The following OSBP2 variants were observed in gnomAD, a reference collection of about 807,000 sequenced individuals.
The protein encoded by OSBP2 is oxysterol binding protein 2.
Under a neutral mutation model 96.0 loss-of-function variants are expected in OSBP2, and 66 were observed. The ratio of observed to expected loss-of-function variants is 0.69; its 90% confidence interval spans 0.56 to 0.84. The LOEUF (loss-of-function observed/expected upper bound fraction) is 0.84, where lower values mean the gene tolerates loss of function less well. Among genes scored for constraint, OSBP2 ranks in the 40% least tolerant of loss-of-function variants. The pLI, the probability that OSBP2 is intolerant of heterozygous loss-of-function variation, is 0.00. For synonymous variants in OSBP2, 525 were observed against 520.9 expected, an observed-to-expected ratio of 1.01 and a Z score of -0.11; for missense variants, 1,038 against 1,222.7, an observed-to-expected ratio of 0.85 and a Z score of 2.25.
At chr22:30,790,848 C>T (rs1477277182) in intron 2 of OSBP2, among the ~76,000 whole-genome samples, 4 of 152,138 alleles carry the variant, frequency 2.6e-5, no homozygotes, top group South Asian at 2.1e-4. Context: ...CATCGAATCA[C>T]GTGGTTGCCC....
intron 2 of OSBP2, among the ~76,000 whole-genome samples, chr22:30,808,461 C>G (rs1341991983): frequency 1.3e-5 from 2 of 152,118 alleles, no homozygotes. Context: ...AAGCCATGAT[C>G]ACCCCACTGC....
intron 2 of OSBP2, among the ~76,000 whole-genome samples, chr22:30,765,014 A>G (rs140691155): frequency 0.013 from 1,993 of 152,204 alleles, 22 homozygotes; most frequent in Middle Eastern, 0.044. Context: ...CGATGGTCAT[A>G]TGGCACCTAG....
At chr22:30,743,331 G>A (rs926340) in intron 2 of OSBP2, among the ~76,000 whole-genome samples, 84,253 of 152,028 alleles carry the variant, frequency 0.55, 23,881 homozygotes, top group Non-Finnish European at 0.62. Context: ...AACCAGTCTG[G>A]CTTTCTCTTT....
At chr22:30,770,097 AT>A (rs136328) in intron 2 of OSBP2, among the ~76,000 whole-genome samples, 41,524 of 117,700 alleles carry the variant, frequency 0.35, 6,046 homozygotes, top group African/African-American at 0.4. Context: ...TTCCCCCATG[AT>A]TTTTTTTTTT....
In OSBP2 at chr22:30,906,340, G is replaced by A; in HGVS notation, c.*1G>A. 1 of 1,600,228 alleles carries A rather than the reference G, an allele frequency of 6.2e-7. No individual in the cohort carries two copies. Among genetic ancestry groups the A allele is most frequent in the Non-Finnish European group, 8.5e-7 (1 of 1,172,126 alleles). ...GCATATGTGCCCCAACATCTTCTGA[G>A]CGCCACCCTTGCAACAAATACAGGC... On this transcript the variant is annotated 3_prime_UTR_variant, in exon 14 of 14. Transcript: ENST00000332585.
At chr22:30,895,544 C>G (rs74429945) in intron 12 of OSBP2, among the ~76,000 whole-genome samples, 83,575 of 151,962 alleles carry the variant, frequency 0.55, 23,368 homozygotes, top group East Asian at 0.75. Context: ...TTAGAAAATT[C>G]TACTTTCTAA....
chr22:30,746,161 G>A (rs1361405248), intron 2 of OSBP2, among the ~76,000 whole-genome samples: 1 of 152,138 alleles, frequency 6.6e-6, no homozygotes, highest in Non-Finnish European at 1.5e-5. Context: ...GGTCACGTCT[G>A]TAATTCCAGC....
At chr22:30,757,605 A>G (rs952363532) in intron 2 of OSBP2, among the ~76,000 whole-genome samples, 1 of 151,874 alleles carries the variant, frequency 6.6e-6, no homozygotes, top group Non-Finnish European at 1.5e-5. Context: ...TTCGGTAGAG[A>G]CAGGGTTCCA....
chr22:30,721,667 A>C (rs1001781182), intron 1 of OSBP2, among the ~76,000 whole-genome samples: 6 of 152,182 alleles, frequency 3.9e-5, no homozygotes, highest in African/African-American at 1.4e-4. Context: ...CAGTGTCTAT[A>C]ATACTGGAGG....
chr22:30,813,002 C>T (rs1309943652), intron 2 of OSBP2, among the ~76,000 whole-genome samples: 1 of 151,860 alleles, frequency 6.6e-6, no homozygotes. Flanking sequence ...GTTATTTCTC[C>T]TTTGTTGGTT....
chr22:30,739,579 A>G (rs1485769848), intron 1 of OSBP2, among the ~76,000 whole-genome samples: 1 of 150,484 alleles, frequency 6.6e-6, no homozygotes, highest in East Asian at 2.0e-4. Flanking sequence ...GGTTCAAGTG[A>G]TTCTCCTGCC....
At chr22:30,822,265 A>G (rs531690590) in intron 2 of OSBP2, among the ~76,000 whole-genome samples, 3 of 152,374 alleles carry the variant, frequency 2.0e-5, no homozygotes, top group Non-Finnish European at 4.4e-5. Context: ...TGCAGGGGAC[A>G]GCACTTTCGC....
chr22:30,903,176 C>T (rs1299347554), intron 12 of OSBP2, among the ~76,000 whole-genome samples: 7 of 152,104 alleles, frequency 4.6e-5, no homozygotes, highest in East Asian at 1.9e-4. Context: ...GACATTGGCC[C>T]GACTCCAGGT....
chr22:30,748,134 C>T (rs1382630886), intron 2 of OSBP2, among the ~76,000 whole-genome samples: 5 of 151,710 alleles, frequency 3.3e-5, no homozygotes, highest in Non-Finnish European at 7.4e-5. Context: ...ACCCCTGCCT[C>T]CCAAAGTGCT....
chr22:30,727,895 A>G (rs2089677828), intron 1 of OSBP2, among the ~76,000 whole-genome samples: 1 of 151,752 alleles, frequency 6.6e-6, no homozygotes, highest in Non-Finnish European at 1.5e-5. Context: ...TCACAAGGTC[A>G]AGAGATCAAG....
chr22:30,890,717 T>A lies in OSBP2; in HGVS notation c.1624-11T>A. On this transcript the variant is annotated splice_polypyrimidine_tract_variant and intron_variant, in intron 7 of 13. Transcript: ENST00000332585. The surrounding 1 kb of genome is among the most constrained non-coding windows in gnomAD (Gnocchi z 4.4). ...GGTGCCCAGCCTGACCACCCACCTGTCCACCCACAGGTGAACTTCAATGAG... is the reference window on the plus strand; with the variant it reads ...GGTGCCCAGCCTGACCACCCACCTGACCACCCACAGGTGAACTTCAATGAG... 1 of 1,610,580 alleles carries A rather than the reference T, an allele frequency of 6.2e-7. No homozygotes were observed. The highest frequency in any genetic ancestry group is 8.5e-7 in the Non-Finnish European group (1 of 1,179,480).
intron 2 of OSBP2, among the ~76,000 whole-genome samples, chr22:30,798,801 T>C (rs2090802974): frequency 1.3e-5 from 2 of 151,962 alleles, no homozygotes. Flanking sequence ...TCACCTGAGG[T>C]CAGGAGTTCA....
chr22:30,755,451 A>T (rs1162606815), intron 2 of OSBP2, among the ~76,000 whole-genome samples: 3 of 152,202 alleles, frequency 2.0e-5, no homozygotes, highest in African/African-American at 7.2e-5. Context: ...AATTCATATG[A>T]GGAAGGGCAT....
At chr22:30,695,655 G>T (rs1015917868) in intron 1 of OSBP2, 102 bp downstream of exon 1, 74 of 1,515,634 alleles carry the variant, frequency 4.9e-5, no homozygotes, top group Middle Eastern at 1.9e-4. Flanking sequence ...CACTAGTCTA[G>T]AGATGTTTAG....
Sources: allele counts gnomAD v4.1 joint callset (sites outside exome capture counted in the v4.1 genomes callset), GRCh38; gene constraint gnomAD v4.1.1; non-coding constraint Gnocchi (gnomAD v3.1); transcripts MANE v1.5; gene names NCBI Gene and HGNC (gene_info 2026-07-23, HGNC 2026-07-21).